Variants in NSF observed in about 807,000 individuals in gnomAD.
The protein encoded by NSF is N-ethylmaleimide sensitive factor, vesicle fusing ATPase.
In NSF, 14 loss-of-function variants were observed where a neutral mutation model predicts 50.3. The ratio of observed to expected loss-of-function variants is 0.28; its 90% confidence interval spans 0.18 to 0.44. The LOEUF is 0.44. Among genes scored for constraint, NSF ranks in the 20% least tolerant of loss-of-function variants. The pLI, the probability that NSF is intolerant of heterozygous loss-of-function variation, is 1.00. For missense variants in NSF, 218 were observed against 504.3 expected (o/e 0.43, Z 5.44); for synonymous variants, 109 against 175.7 (o/e 0.62, Z 3.00).
rs548121287 is a variant in NSF, at chr17:46,753,090, T to C, written c.2157+1474T>C. 1.1e-4 allele frequency among the ~76,000 whole-genome samples: 17 copies of C among 152,326 alleles called. No homozygotes were observed. In the South Asian group the frequency reaches 2.1e-3, roughly 19 times the overall value. On this transcript the variant is annotated intron_variant, in intron 19 of 20. Transcript: ENST00000398238. Reference sequence around the variant, plus strand: ...GGCCAGTAAACTTCTGTTGGATGAATAACTGTAAATTCATTTTACAGTTAG... The same window carrying C: ...GGCCAGTAAACTTCTGTTGGATGAACAACTGTAAATTCATTTTACAGTTAG...
At chr17:46,602,571 C>T (rs1387675102) in intron 1 of NSF, 2 of 51,606 alleles carry the variant, frequency 3.9e-5, no homozygotes, top group African/African-American at 1.8e-4. Context: ...TTTAAAATCA[C>T]CACATAATAA....
At chr17:46,752,451 T>TTTA (rs566225224) in intron 19 of NSF, among the ~76,000 whole-genome samples, 77 of 151,228 alleles carry the variant, frequency 5.1e-4, no homozygotes, top group African/African-American at 1.5e-3. Context: ...TCAGTAAACT[T>TTTA]TTATTATTAT....
Position 46,736,459 on chromosome 17 carries a change from G to C in NSF, c.1908+7525G>C, listed in dbSNP as rs550140915. 2.0e-5 allele frequency among the ~76,000 whole-genome samples: 3 copies of C among 152,272 alleles called. No individual in the cohort carries two copies. The South Asian group carries it at 6.2e-4, about 32-fold the overall frequency. ...CTTTGGAGATTTCCTGTGTCCTTGG[G>C]GATCTCACAATGGCCAGAAGCCCTG... is the stretch of plus-strand genomic sequence containing the variant. On this transcript the variant is annotated intron_variant, in intron 17 of 20. Coordinates refer to ENST00000398238, the MANE Select transcript of NSF (RefSeq NM_006178.4).
chr17:46,649,573 T>C (rs1316846252), intron 8 of NSF, among the ~76,000 whole-genome samples: 4 of 150,658 alleles, frequency 2.7e-5, no homozygotes, highest in Non-Finnish European at 5.9e-5. Flanking sequence ...CATACGTAAG[T>C]TGGTGATTAT....
intron 17 of NSF, among the ~76,000 whole-genome samples, chr17:46,741,018 T>G (rs755475530): frequency 6.6e-6 from 1 of 152,194 alleles, no homozygotes; most frequent in Non-Finnish European, 1.5e-5. Flanking sequence ...CCATTGCTGA[T>G]ATGGGGCTTG....
intron 1 of NSF, among the ~76,000 whole-genome samples, chr17:46,605,645 GACAA>G (rs1472323512): frequency 1.7e-5 from 1 of 58,970 alleles, no homozygotes; most frequent in African/African-American, 8.1e-5. Flanking sequence ...CTTTAAAACA[GACAA>G]ACACTCAATG....
chr17:46,638,637 A>G (rs1176895229), intron 5 of NSF, among the ~76,000 whole-genome samples: 2 of 137,528 alleles, frequency 1.5e-5, no homozygotes, highest in African/African-American at 5.9e-5. Flanking sequence ...TTGACCTCCC[A>G]AAGTGCTGAG....
intron 15 of NSF, chr17:46,722,077 C>T: frequency 1.2e-6 from 2 of 1,611,134 alleles, no homozygotes; most frequent in African/African-American, 1.3e-5. Flanking sequence ...AGTTCATCTC[C>T]AGCTCCAGAA....
At chr17:46,680,221 A>C (rs957450536) in intron 9 of NSF, among the ~76,000 whole-genome samples, 1 of 151,062 alleles carries the variant, frequency 6.6e-6, no homozygotes, top group Admixed American at 6.6e-5. Flanking sequence ...TACTTTTATC[A>C]CATATCAAGA....
At chr17:46,599,016 T>C (rs1283441537) in intron 1 of NSF, among the ~76,000 whole-genome samples, 3 of 100,312 alleles carry the variant, frequency 3.0e-5, no homozygotes, top group African/African-American at 4.3e-5. Flanking sequence ...CTTTAAAGCA[T>C]CATTAGATAG....
chr17:46,742,013 C>G (rs2059078214), intron 17 of NSF, among the ~76,000 whole-genome samples: 1 of 152,162 alleles, frequency 6.6e-6, no homozygotes, highest in South Asian at 2.1e-4. Flanking sequence ...CTCGGCCTCC[C>G]AAAGTGTTGA....
At position 46,605,217 on chromosome 17, in the gene NSF, C is replaced by T. The variant is rs1052294990; in HGVS notation, c.12+14430C>T. ...CTGTAATCCCAGCACTTTGGGAGCCCGAGGAGGGTGGATCACCTGAGGTCA... is the reference window on the plus strand; with the variant it reads ...CTGTAATCCCAGCACTTTGGGAGCCTGAGGAGGGTGGATCACCTGAGGTCA... On this transcript the variant is annotated intron_variant, in intron 1 of 20. Transcript: ENST00000398238. Among the ~76,000 whole-genome samples, 330 of 73,754 alleles carry T rather than the reference C, an allele frequency of 4.5e-3. 5 individuals carry two copies. Among genetic ancestry groups the T allele is most frequent in the African/African-American group, 0.017 (301 of 18,218 alleles). 48.4% of individuals were successfully genotyped at this position (73,754 alleles called of 152,430 possible).
At chr17:46,742,337 TGAA>T (rs1279903486) in intron 17 of NSF, among the ~76,000 whole-genome samples, 2 of 152,230 alleles carry the variant, frequency 1.3e-5, no homozygotes, top group African/African-American at 4.8e-5. Context: ...AAAGTAATAA[TGAA>T]GGAGTGATCT....
At position 46,706,882 on chromosome 17, in the gene NSF, A is replaced by G. The variant is rs373656078; in HGVS notation, c.1470+2028A>G. On this transcript the variant is annotated intron_variant, in intron 13 of 20. Transcript: ENST00000398238. ...TTTATTTTTTTTGAGATGGAGTCTC[A>G]CTCTGTCGCCCAGGTTGGAGTGCAG... 7.8e-4 allele frequency among the ~76,000 whole-genome samples: 112 copies of G among 143,310 alleles called. 1 individual carries two copies. In the East Asian group the frequency reaches 0.021, roughly 27 times the overall value. 94.0% of individuals were successfully genotyped at this position (143,310 alleles called of 152,430 possible). A position where few individuals can be genotyped will look rare whatever the true frequency, so the allele number is the denominator to read the frequency against.
intron 15 of NSF, among the ~76,000 whole-genome samples, chr17:46,723,210 A>G (rs998660433): frequency 6.6e-6 from 1 of 152,220 alleles, no homozygotes; most frequent in African/African-American, 2.4e-5. Flanking sequence ...AACTACTGCA[A>G]CCAGCCAGGC....
Position 46,728,989 on chromosome 17 carries a change from G to A in NSF, c.1908+55G>A, listed in dbSNP as rs1002396322. On this transcript the variant is annotated intron_variant, in intron 17 of 20. Coordinates refer to ENST00000398238, the MANE Select transcript of NSF (RefSeq NM_006178.4). ...TTAACAAAGAGTTTTTCAGTAAATC[G>A]CATATAATGATACAATCTTTAAATA... 25 of 1,069,686 alleles carry A rather than the reference G, an allele frequency of 2.3e-5. No homozygotes were observed. The East Asian group carries it at 2.7e-4, about 12-fold the overall frequency. The allele number at this position is 1,069,686 out of a possible 1,614,324, so 66.3% of individuals were successfully genotyped here.
chr17:46,729,228 A>C (rs1354296978), intron 17 of NSF, among the ~76,000 whole-genome samples: 2 of 152,048 alleles, frequency 1.3e-5, no homozygotes, highest in African/African-American at 4.8e-5. Context: ...TATCCCTACT[A>C]CCTCCAACTG....
intron 9 of NSF, among the ~76,000 whole-genome samples, chr17:46,690,611 C>CAAA (rs771047574): frequency 0.016 from 1,446 of 91,412 alleles, 15 homozygotes; most frequent in Admixed American, 0.019. Context: ...GACTCCGTCT[C>CAAA]AAAAAAAAAA....
Position 46,704,853 on chromosome 17 carries a change from C to A in NSF, c.1469C>A (p.Pro490Gln). The A allele has an allele frequency of 6.3e-7, 1 of 1,596,994 alleles. No homozygotes were observed. The highest frequency in any genetic ancestry group is 1.7e-4 in the Middle Eastern group (1 of 6,022). Residue 490 changes from proline to glutamine, a missense_variant and splice_region_variant, in exon 13 of 21, where the codon CCA (proline) becomes CAA (glutamine). Pro to Gln is a moderately conservative substitution (Grantham distance 76). Transcript: ENST00000398238. ...FLASLENDIK[P>Q]AFGTNQEDYA... is the part of the protein sequence containing the mutation. ...GCTTCTTTGGAGAATGATATCAAAC[C>A]AGTGAGTATGCCCATTGAGTGATAT...
Sources: allele counts gnomAD v4.1 joint callset (sites outside exome capture counted in the v4.1 genomes callset), GRCh38; gene constraint gnomAD v4.1.1; transcripts MANE v1.5; gene names NCBI Gene and HGNC (gene_info 2026-07-23, HGNC 2026-07-21).